Variants in DLG4 observed in about 807,000 individuals in gnomAD.
DLG4 encodes the protein discs large MAGUK scaffold protein 4, also known as disks large homolog 4.
In DLG4, 7 loss-of-function variants were observed where a neutral mutation model predicts 93.8. The ratio of observed to expected loss-of-function variants is 0.07; its 90% confidence interval spans 0.04 to 0.14. DLG4 has a LOEUF of 0.14. Among genes scored for constraint, DLG4 ranks in the 10% least tolerant of loss-of-function variants. The pLI, the probability that DLG4 is intolerant of heterozygous loss-of-function variation, is 1.00. For synonymous variants in DLG4, 341 were observed against 387.6 expected (o/e 0.88, Z 1.41); for missense variants, 545 against 992.9 (o/e 0.55, Z 6.06).
chr17:7,201,578 C>T (rs2070138842), intron 8 of DLG4, among the ~76,000 whole-genome samples: 1 of 152,144 alleles, frequency 6.6e-6, no homozygotes, highest in Admixed American at 6.6e-5. Context: ...GGCATCCCTG[C>T]CCTCTTTGTA....
At chr17:7,218,903 G>C, upstream of DLG4, 1 of 1,589,868 alleles carries the variant, frequency 6.3e-7, no homozygotes, top group Non-Finnish European at 8.6e-7. Flanking sequence ...GAGTTGAGCT[G>C]CTTCTCCCCA....
In DLG4 at chr17:7,193,852, C is replaced by G. The variant is rs370148547; in HGVS notation, c.1535G>C (p.Gly512Ala). 75 of 1,612,864 alleles carry G rather than the reference C, an allele frequency of 4.7e-5. No individual in the cohort carries two copies. The highest frequency in any genetic ancestry group is 6.1e-5 in the Non-Finnish European group (72 of 1,179,492). The change falls in exon 14 of 20, where the codon GGA becomes GCA. Residue 512 changes from glycine (G) to alanine (A), a missense_variant. Gly to Ala is a moderately conservative substitution (Grantham distance 60). Around this residue, in one of 5 missense-constraint regions of DLG4, gnomAD observed 428 missense variants for 741.4 expected, o/e 0.58. Transcript: ENST00000399506. This position sits in a 1 kb window ranked among gnomAD's most constrained non-coding sequence, Gnocchi z 6.7. Reference protein sequence around the residue: ...LKAKDWGSSSGSQGREDSVLS... With the variant: ...LKAKDWGSSSASQGREDSVLS... ...GAACTAACCCTACCTACCCTGCGAT[C>G]CAGAGCTGGAGCCCCAGTCCTAAGA...
Position 7,208,213 on chromosome 17 carries a change from C to T in DLG4, c.57G>A (p.Thr19=). Residue 19 remains threonine (T), a synonymous_variant, in exon 2 of 20, where the codon ACG becomes ACA. Transcript: ENST00000399506. This position sits in a 1 kb window ranked among gnomAD's most constrained non-coding sequence, Gnocchi z 5.4. ...TKKYRYQDED[T]PPLEHSPAHL... is the part of the protein sequence containing the mutation. ...GGGCCGGGCTGTGCTCCAGAGGGGG[C>T]GTGTCTTCATCTTGGTAGCGGTATT... 1.5e-6 allele frequency: 2 copies of T among 1,313,632 alleles called. No individual in the cohort carries two copies. The highest frequency in any genetic ancestry group is 2.0e-6 in the Non-Finnish European group (2 of 1,021,824). The allele number at this position is 1,313,632 out of a possible 1,614,324, so 81.4% of individuals were successfully genotyped here.
In DLG4 at chr17:7,217,375, AG is replaced by A; in HGVS notation, c.-229del. 1 of 76,256 alleles carries A rather than the reference AG, an allele frequency of 1.3e-5. No homozygotes were observed. The highest frequency in any genetic ancestry group is 2.0e-5 in the Non-Finnish European group (1 of 49,826). The allele number at this position is 76,256 out of a possible 1,614,324, so 4.7% of individuals were successfully genotyped here. On this transcript the variant is annotated 5_prime_UTR_variant, in exon 1 of 20. Transcript: ENST00000399506. ...TAAAAGGGGCTCCCCAGTGGAGGGGAGGGGGCTTGGGGAGCACACCCCGATT... is the reference window on the plus strand; with the variant it reads ...TAAAAGGGGCTCCCCAGTGGAGGGGAGGGGCTTGGGGAGCACACCCCGATT...
intron 2 of DLG4, among the ~76,000 whole-genome samples, chr17:7,206,252 C>A (rs1324020316): frequency 6.6e-6 from 1 of 152,110 alleles, no homozygotes; most frequent in Non-Finnish European, 1.5e-5. Flanking sequence ...CCCAGCTACT[C>A]CATCTCAATT....
At chr17:7,197,243 C>T (rs1055268650) in intron 8 of DLG4, among the ~76,000 whole-genome samples, 191 bp from the exon 9 acceptor site, 3 of 152,036 alleles carry the variant, frequency 2.0e-5, no homozygotes, top group Non-Finnish European at 4.4e-5. Flanking sequence ...TAGGTGACAT[C>T]AGAGGCTGGT....
rs1389349615 is a variant in DLG4, at chr17:7,194,007, G to A, written c.1479-7C>T. On this transcript the variant is annotated splice_polypyrimidine_tract_variant and splice_region_variant and intron_variant, in intron 12 of 19. Coordinates refer to ENST00000399506, the MANE Select transcript of DLG4 (RefSeq NM_001321075.3). This position sits in a 1 kb window ranked among gnomAD's most constrained non-coding sequence, Gnocchi z 4.4. ...CCACTCTCGTCGCTCAACCCTGTGG[G>A]ATACATGGAGGGATACGCGGGTAGG... The A allele has an allele frequency of 1.2e-6, 2 of 1,613,438 alleles. No homozygotes were observed. Among genetic ancestry groups the A allele is most frequent in the African/African-American group, 1.3e-5 (1 of 74,998 alleles).
rs577412545 is a variant in DLG4, at chr17:7,208,055, G to A, written c.96+119C>T. ...GGCTCCGAGGGCCGCACTGGGGAGG[G>A]GGCCACCAGGGTCTCCTACCTTGAA... On this transcript the variant is annotated intron_variant, in intron 2 of 19. Transcript: ENST00000399506. This position sits in a 1 kb window ranked among gnomAD's most constrained non-coding sequence, Gnocchi z 5.4. The A allele has an allele frequency of 2.1e-5, 28 of 1,302,726 alleles. No homozygotes were observed. The Admixed American group carries it at 6.6e-4, about 31-fold the overall frequency. 80.7% of individuals were successfully genotyped at this position (1,302,726 alleles called of 1,614,324 possible). A position where few individuals can be genotyped will look rare whatever the true frequency, so the allele number is the denominator to read the frequency against.
chr17:7,194,502 G>A lies in DLG4; in HGVS notation c.1302-7C>T. ...GTCGTAATCAAACAGGGCCCTGGAGGGCAAGTGGCTATCGGTCAGAGCCCA... is the reference window on the plus strand; with the variant it reads ...GTCGTAATCAAACAGGGCCCTGGAGAGCAAGTGGCTATCGGTCAGAGCCCA... On this transcript the variant is annotated splice_polypyrimidine_tract_variant and splice_region_variant and intron_variant, in intron 11 of 19. Transcript: ENST00000399506. The surrounding 1 kb of genome is among the most constrained non-coding windows in gnomAD (Gnocchi z 4.4). 6.3e-7 allele frequency: 1 copy of A among 1,598,988 alleles called. No individual in the cohort carries two copies. Among genetic ancestry groups the A allele is most frequent in the Non-Finnish European group, 8.5e-7 (1 of 1,173,020 alleles).
Position 7,194,195 on chromosome 17 carries a change from G to A in DLG4, c.1478+124C>T. On this transcript the variant is annotated intron_variant, in intron 12 of 19. Transcript: ENST00000399506. This position sits in a 1 kb window ranked among gnomAD's most constrained non-coding sequence, Gnocchi z 4.4. ...TCATGGGAGCCACGGACCCCAGGAG[G>A]GCCCAACAGACAAACCCCTAGGAGT... 1 of 1,381,678 alleles carries A rather than the reference G, an allele frequency of 7.2e-7. No homozygotes were observed. The highest frequency in any genetic ancestry group is 9.8e-7 in the Non-Finnish European group (1 of 1,024,240). The allele number at this position is 1,381,678 out of a possible 1,614,324, so 85.6% of individuals were successfully genotyped here.
At chr17:7,207,984 G>T in intron 2 of DLG4, 190 bp downstream of exon 2, 1 of 877,388 alleles carries the variant, frequency 1.1e-6, no homozygotes. Context: ...CCCTCCCCAC[G>T]GCTCTCTCTC....
chr17:7,209,771 AAAAG>A lies in DLG4; in HGVS notation c.31-1536_31-1533del, dbSNP rs764987224. Among the ~76,000 whole-genome samples the A allele has an allele frequency of 6.2e-4, 94 of 152,270 alleles. 3 individuals are homozygous for A. The East Asian group carries it at 0.012, about 19-fold the overall frequency. On this transcript the variant is annotated intron_variant, in intron 1 of 19. Coordinates refer to ENST00000399506, the MANE Select transcript of DLG4 (RefSeq NM_001321075.3). ...GGCAACAGAGTAAGACCCTGTCTCA[AAAAG>A]AGAGAGAGGCCAGGAGCAGTGGCTG... is the stretch of plus-strand genomic sequence containing the variant.
At chr17:7,217,850 C>G (rs1378735001), upstream of DLG4, 2 of 1,529,022 alleles carry the variant, frequency 1.3e-6, no homozygotes, top group Non-Finnish European at 8.8e-7. Context: ...AAGGAAGCAT[C>G]TATAGTTGGG....
intron 1 of DLG4, among the ~76,000 whole-genome samples, chr17:7,216,374 C>CA (rs1349046840): frequency 6.6e-6 from 1 of 152,158 alleles, no homozygotes; most frequent in African/African-American, 2.4e-5. Flanking sequence ...CTAAGCCTCT[C>CA]ATCCTCCTCC....
chr17:7,204,298 G>C (rs372333571), intron 2 of DLG4, 46 bp from the exon 3 acceptor site: 5 of 1,528,566 alleles, frequency 3.3e-6, no homozygotes, highest in Non-Finnish European at 3.5e-6. Context: ...GCCTTGACTC[G>C]AGAGGGAGCC....
upstream of DLG4, chr17:7,218,617 G>T: frequency 6.4e-7 from 1 of 1,564,230 alleles, no homozygotes; most frequent in East Asian, 2.4e-5. Context: ...GGGGTGCCAG[G>T]AGCCAGAGGG....
upstream of DLG4, chr17:7,218,921 C>A: frequency 6.4e-7 from 1 of 1,560,086 alleles, no homozygotes; most frequent in South Asian, 1.1e-5. Context: ...CCACTAAATT[C>A]CAGCTGTGAG....
chr17:7,208,105 GA>G lies in DLG4; in HGVS notation c.96+68del. On this transcript the variant is annotated intron_variant, in intron 2 of 19. Coordinates refer to ENST00000399506, the MANE Select transcript of DLG4 (RefSeq NM_001321075.3). This position sits in a 1 kb window ranked among gnomAD's most constrained non-coding sequence, Gnocchi z 5.4. ...AGGGGGAGAGGTGGGCGTGGCCCAC[GA>G]CCCCGTGGCCAGCCTCGAGGTGGGA... The G allele has an allele frequency of 1.2e-5, 16 of 1,318,232 alleles. No individual in the cohort carries two copies. Among genetic ancestry groups the G allele is most frequent in the Non-Finnish European group, 1.6e-5 (16 of 1,024,266 alleles). The allele number at this position is 1,318,232 out of a possible 1,614,324, so 81.7% of individuals were successfully genotyped here. A position where few individuals can be genotyped will look rare whatever the true frequency, so the allele number is the denominator to read the frequency against.
At chr17:7,199,357 G>A (rs1239070826) in intron 8 of DLG4, among the ~76,000 whole-genome samples, 3 of 151,848 alleles carry the variant, frequency 2.0e-5, no homozygotes, top group African/African-American at 4.8e-5. Flanking sequence ...CCACCACCAC[G>A]CCTGGCTAAT....
Sources: allele counts gnomAD v4.1 joint callset (sites outside exome capture counted in the v4.1 genomes callset), GRCh38; gene constraint gnomAD v4.1.1; regional missense constraint gnomAD v4.1.1; non-coding constraint Gnocchi (gnomAD v3.1); transcripts MANE v1.5; gene names NCBI Gene and HGNC (gene_info 2026-07-23, HGNC 2026-07-21).